MTUS2: variants seen among roughly 807,000 people sequenced by gnomAD.
MTUS2 encodes the protein microtubule associated scaffold protein 2.
MTUS2 carries 40 observed loss-of-function variants against 114.1 expected under a neutral mutation model. The ratio of observed to expected loss-of-function variants is 0.35; its 90% CI spans 0.27 to 0.46. MTUS2 has a LOEUF of 0.46. Among genes scored for constraint, MTUS2 ranks in the 20% least tolerant of loss-of-function variants. The pLI is 1.00. For synonymous variants in MTUS2, 688 were observed against 672.0 expected (o/e 1.02, Z -0.37); for missense variants, 1,679 against 1,705.4 (o/e 0.98, Z 0.27).
At chr13:29,202,969 T>A (rs572570007) in intron 5 of MTUS2, among the ~76,000 whole-genome samples, 1 of 152,274 alleles carries the variant, frequency 6.6e-6, no homozygotes, top group East Asian at 1.9e-4. Flanking sequence ...TATCTCCCAG[T>A]ACAGGAGGCA....
At position 28,820,436 on chromosome 13, in the gene MTUS2, C is replaced by T. The variant is rs993608327; in HGVS notation, c.-491C>T. The T allele has an allele frequency of 6.6e-6, 1 of 152,146 alleles. No individual in the cohort carries two copies. The highest frequency in any genetic ancestry group is 2.4e-5 in the African/African-American group (1 of 41,440). The allele number at this position is 152,146 out of a possible 1,614,324, so 9.4% of individuals were successfully genotyped here. A position where few individuals can be genotyped will look rare whatever the true frequency, so the allele number is the denominator to read the frequency against. On this transcript the variant is annotated 5_prime_UTR_variant, in exon 1 of 16. Coordinates refer to ENST00000612955, the MANE Select transcript of MTUS2 (RefSeq NM_001033602.4). ...GGCTCTCAGGGCAAGTTTATCTCCC[C>T]CCTTCTGCGGAAACCCTTGACCGCT...
At chr13:29,121,451 A>AC (rs1194270858) in intron 5 of MTUS2, among the ~76,000 whole-genome samples, 3 of 151,942 alleles carry the variant, frequency 2.0e-5, no homozygotes, top group African/African-American at 7.3e-5. Context: ...ACACACACAC[A>AC]CACACACATG....
At chr13:29,077,677 C>G (rs2138715377) in intron 4 of MTUS2, among the ~76,000 whole-genome samples, 1 of 152,300 alleles carries the variant, frequency 6.6e-6, no homozygotes, top group South Asian at 2.1e-4. Context: ...TTCTTTGTTT[C>G]TGAATTTTCC....
intron 5 of MTUS2, among the ~76,000 whole-genome samples, chr13:29,119,390 A>G (rs543218118): frequency 2.0e-5 from 3 of 152,362 alleles, no homozygotes. Flanking sequence ...AATAGTAGAA[A>G]GCAGTTAGAG....
rs534183475 is a variant in MTUS2, at chr13:28,827,311, A to G, written c.-316+6700A>G. On this transcript the variant is annotated intron_variant, in intron 1 of 15. Transcript: ENST00000612955. The stretch of plus-strand genomic sequence containing the variant: ...TCTAGCAAGTATTCTTTTTTTTTAA[A>G]TCCACATTGTATTAGTTTAACTGGC... 9.9e-5 allele frequency among the ~76,000 whole-genome samples: 15 copies of G among 152,192 alleles called. No individual in the cohort carries two copies. The Middle Eastern group carries it at 0.01, about 104-fold the overall frequency.
At chr13:29,302,803 G>A (rs1461678611) in intron 6 of MTUS2, among the ~76,000 whole-genome samples, 1 of 152,224 alleles carries the variant, frequency 6.6e-6, no homozygotes, top group Non-Finnish European at 1.5e-5. Flanking sequence ...CCAGACAGCA[G>A]CCAAACTGCT....
intron 5 of MTUS2, among the ~76,000 whole-genome samples, chr13:29,159,482 G>A (rs190540209): frequency 2.5e-4 from 38 of 151,612 alleles, no homozygotes; most frequent in Non-Finnish European, 4.1e-4. Context: ...AGCATGATCC[G>A]GAAAAGAAAA....
chr13:28,930,052 C>T (rs1417350498), intron 2 of MTUS2, among the ~76,000 whole-genome samples: 1 of 152,050 alleles, frequency 6.6e-6, no homozygotes, highest in East Asian at 1.9e-4. Context: ...GATTTATTTC[C>T]AAAGGTCTGG....
intron 8 of MTUS2, among the ~76,000 whole-genome samples, chr13:29,397,869 A>T (rs751873360): frequency 6.6e-6 from 1 of 152,236 alleles, no homozygotes; most frequent in Admixed American, 6.5e-5. Context: ...CTCTTTATAA[A>T]TTAAACCAGG....
intron 8 of MTUS2, among the ~76,000 whole-genome samples, chr13:29,434,947 T>G (rs4525336): frequency 0.83 from 126,921 of 152,216 alleles, 53,574 homozygotes; most frequent in African/African-American, 0.93. Flanking sequence ...AAAAGAAGTG[T>G]AGGCTTCACT....
chr13:29,283,321 G>A (rs533776439), intron 6 of MTUS2, among the ~76,000 whole-genome samples: 5 of 152,288 alleles, frequency 3.3e-5, no homozygotes, highest in South Asian at 4.2e-4. Context: ...GCTTCTGGGG[G>A]TGGTGACTGT....
intron 5 of MTUS2, among the ~76,000 whole-genome samples, chr13:29,257,068 C>T (rs533046715): frequency 1.4e-4 from 21 of 152,304 alleles, no homozygotes; most frequent in African/African-American, 4.3e-4. Context: ...CATTTCCCTG[C>T]CCTGGGACAC....
rs1883041827 is a variant in MTUS2, at chr13:29,503,389, G to GT, written c.*184dup. On this transcript the variant is annotated 3_prime_UTR_variant, in exon 16 of 16. Transcript: ENST00000612955. ...CCCTGGTGTCGGCACTTAGGAATGT[G>GT]TAAATGGTAAAGTCTGATGTGCAAA... The GT allele has an allele frequency of 3.1e-6, 2 of 637,382 alleles. No homozygotes were observed. Among genetic ancestry groups the GT allele is most frequent in the Non-Finnish European group, 5.4e-6 (2 of 369,594 alleles). 39.5% of individuals were successfully genotyped at this position (637,382 alleles called of 1,614,324 possible).
chr13:29,456,263 G>T (rs535570398), intron 9 of MTUS2, among the ~76,000 whole-genome samples: 1 of 152,126 alleles, frequency 6.6e-6, no homozygotes, highest in Non-Finnish European at 1.5e-5. Context: ...CTGCAGAAAA[G>T]AGTCAGTAAA....
At position 29,498,389 on chromosome 13, in the gene MTUS2, C is replaced by A. The variant is rs772786684; in HGVS notation, c.3679-29C>A. On this transcript the variant is annotated intron_variant, in intron 13 of 15. Coordinates refer to ENST00000612955, the MANE Select transcript of MTUS2 (RefSeq NM_001033602.4). Reference sequence around the variant, plus strand: ...ACTGGGTTTTGCCGGGAATCCTGGTCAACAGCTCATGGCTCTCTGCCTCTG... The same window carrying A: ...ACTGGGTTTTGCCGGGAATCCTGGTAAACAGCTCATGGCTCTCTGCCTCTG... 3.3e-5 allele frequency: 53 copies of A among 1,612,468 alleles called. 1 individual carries two copies. In the South Asian group the frequency reaches 5.7e-4, roughly 17 times the overall value.
intron 6 of MTUS2, among the ~76,000 whole-genome samples, chr13:29,308,783 CATA>C (rs1899605269): frequency 6.6e-6 from 1 of 152,066 alleles, no homozygotes; most frequent in Non-Finnish European, 1.5e-5. Flanking sequence ...AGCCAACAAA[CATA>C]TGAAAAAAAC....
chr13:29,032,445 G>T (rs1886871166), intron 3 of MTUS2, among the ~76,000 whole-genome samples: 1 of 152,042 alleles, frequency 6.6e-6, no homozygotes, highest in African/African-American at 2.4e-5. Flanking sequence ...TGTGCAATGG[G>T]ACCCAAAATT....
intron 2 of MTUS2, among the ~76,000 whole-genome samples, chr13:28,878,428 C>G (rs1323300460): frequency 1.3e-5 from 2 of 152,002 alleles, no homozygotes; most frequent in African/African-American, 4.8e-5. Context: ...ACAGATCAAC[C>G]CATCACCTAT....
chr13:29,448,386 TCTTAA>T (rs1301664482), intron 9 of MTUS2, among the ~76,000 whole-genome samples: 5 of 152,246 alleles, frequency 3.3e-5, no homozygotes, highest in African/African-American at 1.2e-4. Flanking sequence ...TGAAATTGGC[TCTTAA>T]CTTTGAAGTT....
Sources: allele counts gnomAD v4.1 joint callset (sites outside exome capture counted in the v4.1 genomes callset), GRCh38; gene constraint gnomAD v4.1.1; transcripts MANE v1.5; gene names NCBI Gene and HGNC (gene_info 2026-07-23, HGNC 2026-07-21).